The following DNAH14 variants were observed in gnomAD, a reference collection of about 807,000 sequenced individuals.
DNAH14 encodes the protein dynein axonemal heavy chain 14.
A neutral mutation model predicts 520.9 loss-of-function variants in DNAH14; 478 were observed. That is an observed-to-expected ratio of 0.92 (90% CI 0.85 to 0.99). The LOEUF (loss-of-function observed/expected upper bound fraction) is 0.99. Among genes scored for constraint, DNAH14 ranks in the 50% least tolerant of loss-of-function variants. DNAH14 has a pLI of 0.00. For missense variants in DNAH14, 4,831 were observed against 5,234.5 expected, an observed-to-expected ratio of 0.92 and a Z score of 2.38; for synonymous variants, 1,581 against 1,757.2, an observed-to-expected ratio of 0.90 and a Z score of 2.51.
At chr1:225,327,073 C>T (rs754083309) in intron 64 of DNAH14, among the ~76,000 whole-genome samples, 1 of 151,934 alleles carries the variant, frequency 6.6e-6, no homozygotes, top group Non-Finnish European at 1.5e-5. Flanking sequence ...TGTTTGGCCA[C>T]AAAATAAGTT....
intron 3 of DNAH14, among the ~76,000 whole-genome samples, 171 bp downstream of exon 3, chr1:224,955,269 G>C (rs12748878): frequency 0.17 from 24,724 of 144,746 alleles, 2,578 homozygotes; most frequent in Non-Finnish European, 0.23. Context: ...TTCAAATAAC[G>C]GGAACATTAA....
chr1:225,210,321 A>G (rs555427578), intron 41 of DNAH14, among the ~76,000 whole-genome samples: 1 of 152,190 alleles, frequency 6.6e-6, no homozygotes, highest in Admixed American at 6.5e-5. Context: ...CGAGCTTGGT[A>G]TGGGGAAGGG....
intron 43 of DNAH14, among the ~76,000 whole-genome samples, chr1:225,246,101 C>A: frequency 8.5e-6 from 1 of 117,612 alleles, no homozygotes; most frequent in African/African-American, 3.4e-5. Context: ...TTCGACAAAC[C>A]TGGCAAAAAA....
At chr1:225,328,291 T>G (rs1420501056) in intron 64 of DNAH14, among the ~76,000 whole-genome samples, 2 of 152,228 alleles carry the variant, frequency 1.3e-5, no homozygotes, top group East Asian at 3.8e-4. Flanking sequence ...GGAGAATGTG[T>G]ATTTATAACA....
At chr1:225,064,753 T>C (rs542169996) in intron 17 of DNAH14, among the ~76,000 whole-genome samples, 1 of 152,006 alleles carries the variant, frequency 6.6e-6, no homozygotes, top group Non-Finnish European at 1.5e-5. Context: ...CAGATTGTTT[T>C]CTGAAGCCAG....
At chr1:225,089,464 A>AAAAAAAAAAAAAAAGAG (rs775049047) in intron 21 of DNAH14, among the ~76,000 whole-genome samples, 2 of 138,402 alleles carry the variant, frequency 1.4e-5, no homozygotes, top group South Asian at 2.4e-4. Flanking sequence ...AAAAAAAAAA[A>AAAAAAAAAAAAAAAGAG]AGAGAGCGAG....
At position 225,337,429 on chromosome 1, in the gene DNAH14, T is replaced by A. The variant is rs758260873; in HGVS notation, c.10244T>A (p.Ile3415Asn). ...MEGSRLQKLSIEDSNYTKKIE... is the reference protein window; with the variant it reads ...MEGSRLQKLSNEDSNYTKKIE... ...GGATCCAGGCTGCAGAAGCTCTCCA[T>A]TGAAGACAGCAATTATACCAAAAAA... The change falls in exon 67 of 86, where the codon ATT (isoleucine) becomes AAT (asparagine). Residue 3415 changes from isoleucine (I) to asparagine (N), a missense_variant. Ile to Asn is a moderately radical substitution (Grantham distance 149). Coordinates refer to ENST00000682510, the MANE Select transcript of DNAH14 (RefSeq NM_001367479.1). 12 of 1,551,724 alleles carry A rather than the reference T, an allele frequency of 7.7e-6. No homozygotes were observed. Among genetic ancestry groups the A allele is most frequent in the Non-Finnish European group, 1.0e-5 (12 of 1,146,972 alleles).
chr1:225,392,032 C>T (rs2095921502), intron 83 of DNAH14, among the ~76,000 whole-genome samples: 1 of 152,080 alleles, frequency 6.6e-6, no homozygotes, highest in Admixed American at 6.6e-5. Flanking sequence ...CCTCTATCCC[C>T]ACAACGAATA....
intron 27 of DNAH14, among the ~76,000 whole-genome samples, chr1:225,131,992 T>TA (rs1315595028): frequency 6.6e-6 from 1 of 152,058 alleles, no homozygotes; most frequent in African/African-American, 2.4e-5. Context: ...TGGAAGAAGC[T>TA]AAAGAGGAAG....
intron 41 of DNAH14, among the ~76,000 whole-genome samples, chr1:225,227,259 A>C (rs1017176401): frequency 6.6e-5 from 10 of 151,984 alleles, no homozygotes; most frequent in Admixed American, 6.6e-4. Context: ...CTTGGACAAT[A>C]CCCAGGCTTT....
chr1:225,195,998 A>AT (rs1559255358), intron 38 of DNAH14, among the ~76,000 whole-genome samples: 1 of 151,486 alleles, frequency 6.6e-6, no homozygotes, highest in African/African-American at 2.4e-5. Flanking sequence ...ATTTTTAAGA[A>AT]ATTTATTTAT....
At chr1:225,310,615 C>G (rs935020044) in intron 60 of DNAH14, among the ~76,000 whole-genome samples, 1 of 152,168 alleles carries the variant, frequency 6.6e-6, no homozygotes, top group Non-Finnish European at 1.5e-5. Flanking sequence ...CACCCCCCGA[C>G]AGGCCCCAGT....
Position 225,051,628 on chromosome 1 carries a change from T to C in DNAH14, c.2257T>C (p.Tyr753His), listed in dbSNP as rs773592142. 16 of 1,550,748 alleles carry C rather than the reference T, an allele frequency of 1.0e-5. No individual in the cohort carries two copies. Among genetic ancestry groups the C allele is most frequent in the Middle Eastern group, 1.7e-4 (1 of 6,004 alleles). The change falls in exon 17 of 86, where the codon TAT (tyrosine) becomes CAT (histidine). Residue 753 changes from tyrosine (Y) to histidine (H), a missense_variant. Coordinates refer to ENST00000682510, the MANE Select transcript of DNAH14 (RefSeq NM_001367479.1). The stretch of plus-strand genomic sequence containing the variant: ...AGCTATTCTAAATAGATTCAGAAAC[T>C]ATTTTAGACATATTGTGAATATGGC... ...FEAILNRFRN[Y>H]FRHIVNMAIE...
intron 37 of DNAH14, among the ~76,000 whole-genome samples, chr1:225,190,710 A>G (rs2085312561): frequency 6.6e-6 from 1 of 152,064 alleles, no homozygotes; most frequent in African/African-American, 2.4e-5. Context: ...GTGTATGCAC[A>G]GAGAAAAGAC....
chr1:225,131,123 T>G (rs1053100385), intron 27 of DNAH14, among the ~76,000 whole-genome samples: 1 of 152,198 alleles, frequency 6.6e-6, no homozygotes, highest in Non-Finnish European at 1.5e-5. Context: ...TTCACTATAG[T>G]TTTGAAAATC....
chr1:225,387,384 A>G (rs1319117629), intron 81 of DNAH14, among the ~76,000 whole-genome samples: 2 of 151,574 alleles, frequency 1.3e-5, no homozygotes, highest in African/African-American at 4.9e-5. Context: ...TTAAAGTATA[A>G]TAATAAATAA....
intron 55 of DNAH14, among the ~76,000 whole-genome samples, chr1:225,293,463 A>G (rs1272601115): frequency 6.6e-6 from 1 of 151,840 alleles, no homozygotes; most frequent in African/African-American, 2.4e-5. Flanking sequence ...ATATGTAGAC[A>G]TATATACCAT....
chr1:225,063,382 C>T (rs1014827586), intron 17 of DNAH14, among the ~76,000 whole-genome samples: 41 of 152,016 alleles, frequency 2.7e-4, no homozygotes, highest in African/African-American at 9.9e-4. Flanking sequence ...TAGGTTTTTA[C>T]TTGTATTATT....
intron 27 of DNAH14, among the ~76,000 whole-genome samples, chr1:225,128,607 A>T (rs554241282): frequency 0.042 from 6,428 of 151,352 alleles, 397 homozygotes; most frequent in African/African-American, 0.14. Flanking sequence ...CCTTTGACAA[A>T]ATTCAACAAC....
Sources: allele counts gnomAD v4.1 joint callset (sites outside exome capture counted in the v4.1 genomes callset), GRCh38; gene constraint gnomAD v4.1.1; transcripts MANE v1.5; gene names NCBI Gene and HGNC (gene_info 2026-07-23, HGNC 2026-07-21).